Variants in CALN1 observed in about 807,000 individuals in gnomAD.
CALN1 encodes calneuron 1, also known as calcium-binding protein 8.
In CALN1, 17 loss-of-function variants were observed where a neutral mutation model predicts 30.6. The ratio of observed to expected loss-of-function variants is 0.56; its 90% confidence interval spans 0.38 to 0.83. The LOEUF (loss-of-function observed/expected upper bound fraction) is 0.83, where lower values mean the gene tolerates loss of function less well. Among genes scored for constraint, CALN1 ranks in the 40% least tolerant of loss-of-function variants. The pLI is 0.00. For synonymous variants in CALN1, 156 were observed against 131.4 expected (o/e 1.19, Z -1.28); for missense variants, 291 against 354.9 (o/e 0.82, Z 1.45).
At chr7:72,134,968 C>G (rs892740395) in intron 3 of CALN1, among the ~76,000 whole-genome samples, 3 of 152,184 alleles carry the variant, frequency 2.0e-5, no homozygotes, top group African/African-American at 4.8e-5. Flanking sequence ...GTTTACAAAG[C>G]ATCTTTACCA....
intron 4 of CALN1, among the ~76,000 whole-genome samples, chr7:72,100,751 C>T (rs537189045): frequency 7.5e-6 from 1 of 133,328 alleles, no homozygotes; most frequent in South Asian, 2.7e-4. Flanking sequence ...ACCTGGGAGG[C>T]GGAGCTTGCA....
intron 3 of CALN1, among the ~76,000 whole-genome samples, chr7:72,184,756 G>A (rs141441946): frequency 1.2e-4 from 19 of 152,072 alleles, no homozygotes; most frequent in Non-Finnish European, 2.4e-4. Context: ...CAGGTACTTA[G>A]GGAGGAATCA....
At chr7:72,426,014 G>A (rs1201376578) in intron 1 of CALN1, among the ~76,000 whole-genome samples, 3 of 152,362 alleles carry the variant, frequency 2.0e-5, no homozygotes, top group Non-Finnish European at 2.9e-5. Context: ...GTAAGCTGCT[G>A]CCTCTGATTG....
intron 3 of CALN1, among the ~76,000 whole-genome samples, chr7:72,214,352 C>T (rs1323045456): frequency 2.0e-5 from 3 of 151,994 alleles, no homozygotes; most frequent in South Asian, 2.1e-4. Context: ...TGGTGGCACA[C>T]GCCTGTAGTC....
intron 2 of CALN1, among the ~76,000 whole-genome samples, chr7:72,315,804 G>A (rs1227977032): frequency 6.6e-6 from 1 of 152,088 alleles, no homozygotes; most frequent in Non-Finnish European, 1.5e-5. Context: ...AATTAAAATA[G>A]GAAAAAGCTT....
intron 3 of CALN1, among the ~76,000 whole-genome samples, chr7:72,265,429 G>A (rs1457719316): frequency 6.6e-6 from 1 of 152,130 alleles, no homozygotes; most frequent in African/African-American, 2.4e-5. Flanking sequence ...ACTGCAAGGA[G>A]AAACAATAGT....
At chr7:72,370,553 C>CAG (rs1804170745) in intron 2 of CALN1, among the ~76,000 whole-genome samples, 2 of 150,410 alleles carry the variant, frequency 1.3e-5, no homozygotes, top group South Asian at 4.2e-4. Flanking sequence ...ACTTGGGAGG[C>CAG]AGAGGCAGGA....
intron 5 of CALN1, among the ~76,000 whole-genome samples, chr7:71,958,853 T>G (rs747395564): frequency 6.6e-6 from 1 of 152,164 alleles, no homozygotes; most frequent in African/African-American, 2.4e-5. Flanking sequence ...CTTAACAGAC[T>G]GAGTCTCCCA....
intron 2 of CALN1, among the ~76,000 whole-genome samples, chr7:72,385,127 A>G (rs1805136482): frequency 3.9e-5 from 6 of 152,270 alleles, no homozygotes; most frequent in Admixed American, 3.9e-4. Flanking sequence ...TAGAATGACT[A>G]GAACATGTTT....
At chr7:72,028,081 A>C (rs1801202803) in intron 4 of CALN1, among the ~76,000 whole-genome samples, 1 of 145,408 alleles carries the variant, frequency 6.9e-6, no homozygotes, top group South Asian at 2.2e-4. Flanking sequence ...AAAAAAAAAA[A>C]AAAACACATG....
At chr7:71,956,519 G>T (rs1284174012) in intron 5 of CALN1, among the ~76,000 whole-genome samples, 6 of 142,812 alleles carry the variant, frequency 4.2e-5, no homozygotes, top group Admixed American at 2.1e-4. Context: ...CAGAGGGAGG[G>T]TGTCGTTATG....
chr7:72,079,855 C>T (rs1805009930), intron 4 of CALN1, among the ~76,000 whole-genome samples: 1 of 149,032 alleles, frequency 6.7e-6, no homozygotes, highest in South Asian at 2.1e-4. Flanking sequence ...ACTGCAGCCT[C>T]CACCTCCTGG....
rs1351592389 is a variant in CALN1 at position 72,205,550 on chromosome 7, AAATATATATATATATATGTAT to A, written c.244+73115_244+73135del. 6.7e-5 allele frequency among the ~76,000 whole-genome samples: 7 copies of A among 104,976 alleles called. No individual in the cohort carries two copies. The South Asian group carries it at 2.1e-3, about 31-fold the overall frequency. 68.9% of individuals were successfully genotyped at this position (104,976 alleles called of 152,430 possible). ...TATTTTTCTCCTGATTGCAAAAAAA[AAATATATATATATATATGTAT>A]ATATATATATATATATTCAGGAGAA... On this transcript the variant is annotated intron_variant, in intron 3 of 6. Coordinates refer to ENST00000395275, the MANE Select transcript of CALN1 (RefSeq NM_031468.4).
At chr7:71,880,815 G>T (rs927928786) in intron 5 of CALN1, among the ~76,000 whole-genome samples, 11 of 152,194 alleles carry the variant, frequency 7.2e-5, no homozygotes, top group African/African-American at 2.7e-4. Flanking sequence ...TTTGTCAGGA[G>T]TTATCTTCCC....
At chr7:72,233,503 A>C (rs993080843) in intron 3 of CALN1, among the ~76,000 whole-genome samples, 1 of 152,040 alleles carries the variant, frequency 6.6e-6, no homozygotes, top group Non-Finnish European at 1.5e-5. Flanking sequence ...ATCACTTGAG[A>C]CCAGGAGTTT....
chr7:72,439,178 A>G (rs1349738183), intron 1 of CALN1, among the ~76,000 whole-genome samples: 2 of 152,132 alleles, frequency 1.3e-5, no homozygotes, highest in African/African-American at 4.8e-5. Flanking sequence ...CTACAGGCAC[A>G]CACCATCATA....
intron 2 of CALN1, among the ~76,000 whole-genome samples, chr7:72,348,672 G>A (rs1282839363): frequency 1.3e-5 from 2 of 152,176 alleles, no homozygotes; most frequent in Admixed American, 6.6e-5. Context: ...TTGAACACCC[G>A]GCGGGTACAA....
At chr7:72,368,451 C>T (rs764967996) in intron 2 of CALN1, among the ~76,000 whole-genome samples, 1 of 151,718 alleles carries the variant, frequency 6.6e-6, no homozygotes, top group Non-Finnish European at 1.5e-5. Flanking sequence ...ACGACTTTGG[C>T]TTCTTTTTGT....
intron 5 of CALN1, among the ~76,000 whole-genome samples, chr7:71,823,178 CT>C (rs1331595844): frequency 2.0e-4 from 27 of 132,312 alleles, no homozygotes; most frequent in African/African-American, 1.1e-3. Context: ...CTCTCTCCGT[CT>C]CTCTCTCTTT....
Sources: gnomAD v4.1 joint callset for allele counts (sites outside exome capture counted in the v4.1 genomes callset) on GRCh38, gnomAD v4.1.1 for gene constraint, MANE v1.5 for transcripts, NCBI Gene and HGNC (gene_info 2026-07-23, HGNC 2026-07-21) for gene names.